The following SLC26A8 variants were observed in gnomAD, a reference collection of about 807,000 sequenced individuals.
The protein encoded by SLC26A8 is testis anion transporter 1.
In SLC26A8, 70 loss-of-function variants were observed where a neutral mutation model predicts 105.0. The ratio of observed to expected loss-of-function variants is 0.67; its 90% confidence interval spans 0.55 to 0.81. The LOEUF is 0.81. Ranked by LOEUF, SLC26A8 falls within the 40% of genes least tolerant of loss-of-function variation. SLC26A8 has a pLI of 0.00. For missense variants in SLC26A8, 998 were observed against 1,181.8 expected (o/e 0.84, Z 2.28); for synonymous variants, 415 against 438.3 (o/e 0.95, Z 0.66).
At chr6:35,961,681 C>T (rs992741403) in intron 12 of SLC26A8, among the ~76,000 whole-genome samples, 7 of 152,188 alleles carry the variant, frequency 4.6e-5, no homozygotes, top group Admixed American at 1.3e-4. Flanking sequence ...GCAGTGGACC[C>T]GTCCCCTCTT....
At chr6:35,988,550 GC>G (rs1198156281) in intron 7 of SLC26A8, among the ~76,000 whole-genome samples, 1 of 151,928 alleles carries the variant, frequency 6.6e-6, no homozygotes, top group Non-Finnish European at 1.5e-5. Flanking sequence ...AAGGAGAATC[GC>G]TTGAATCTGG....
chr6:35,986,833 C>T (rs1250673318), intron 7 of SLC26A8, among the ~76,000 whole-genome samples: 2 of 151,952 alleles, frequency 1.3e-5, no homozygotes, highest in East Asian at 3.9e-4. Flanking sequence ...TGTCTGTCAA[C>T]TAATACCTGT....
At chr6:35,971,347 T>C (rs1285549121) in intron 10 of SLC26A8, among the ~76,000 whole-genome samples, 1 of 150,182 alleles carries the variant, frequency 6.7e-6, no homozygotes, top group Non-Finnish European at 1.5e-5. Flanking sequence ...CCATCACTTT[T>C]CCAGGCTTTC....
intron 7 of SLC26A8, among the ~76,000 whole-genome samples, chr6:35,984,591 TGGGATTACAA>T (rs1328507876): frequency 6.6e-6 from 1 of 152,146 alleles, no homozygotes; most frequent in East Asian, 1.9e-4. Context: ...CCCAAAGTGC[TGGGATTACAA>T]GGGTGAGACA....
intron 7 of SLC26A8, among the ~76,000 whole-genome samples, chr6:35,985,001 GGAGGCTT>G (rs1289940375): frequency 1.3e-5 from 2 of 152,120 alleles, no homozygotes; most frequent in Non-Finnish European, 2.9e-5. Context: ...CCTGCTACTT[GGAGGCTT>G]CATTTGCATG....
intron 16 of SLC26A8, among the ~76,000 whole-genome samples, chr6:35,959,033 C>T (rs368633295): frequency 2.0e-5 from 3 of 152,330 alleles, no homozygotes; most frequent in East Asian, 3.9e-4. Context: ...TCAGGAGACC[C>T]TGGCAGATCC....
intron 5 of SLC26A8, among the ~76,000 whole-genome samples, chr6:35,993,075 T>A (rs1314173962): frequency 6.6e-6 from 1 of 151,546 alleles, no homozygotes; most frequent in Admixed American, 6.6e-5. Flanking sequence ...CATAGCTCAC[T>A]GTAACCTCAA....
At chr6:35,991,872 T>C (rs1761175572) in intron 6 of SLC26A8, 64 bp from the exon 7 acceptor site, 1 of 1,454,904 alleles carries the variant, frequency 6.9e-7, no homozygotes, top group South Asian at 1.5e-5. Context: ...GTCTAGAAAT[T>C]GACACTGTAG....
chr6:35,943,783 ACAGT>A lies in SLC26A8; in HGVS notation c.*113_*116del. ...AGAAGGCTGGCAGGTAGTAGGAGTC[ACAGT>A]CAGGAAGGAAGTACTGCTAGTTCGT... On this transcript the variant is annotated 3_prime_UTR_variant, in exon 20 of 20. Coordinates refer to ENST00000490799, the MANE Select transcript of SLC26A8 (RefSeq NM_052961.4). 5 of 1,431,196 alleles carry A rather than the reference ACAGT, an allele frequency of 3.5e-6. No homozygotes were observed. Among genetic ancestry groups the A allele is most frequent in the Non-Finnish European group, 1.9e-6 (2 of 1,069,556 alleles). 88.7% of individuals were successfully genotyped at this position (1,431,196 alleles called of 1,614,324 possible). A position where few individuals can be genotyped will look rare whatever the true frequency, so the allele number is the denominator to read the frequency against.
In SLC26A8 at chr6:35,981,655, AATAAATAAATAAATAT is replaced by A. The variant is rs1391933122; in HGVS notation, c.1025+450_1025+465del. Among the ~76,000 whole-genome samples, 1 of 152,100 alleles carries A rather than the reference AATAAATAAATAAATAT, an allele frequency of 6.6e-6. No homozygotes were observed. The highest frequency in any genetic ancestry group is 1.5e-5 in the Non-Finnish European group (1 of 68,030). On this transcript the variant is annotated intron_variant, in intron 8 of 19. Coordinates refer to ENST00000490799, the MANE Select transcript of SLC26A8 (RefSeq NM_052961.4). This position sits in a 1 kb window ranked among gnomAD's most constrained non-coding sequence, Gnocchi z 4.0. ...CAACAGAGTGAGAACCTGTCTCAAAAATAAATAAATAAATATATAAATAAATAAAACAGGGCATCTA... is the reference window on the plus strand; with the variant it reads ...CAACAGAGTGAGAACCTGTCTCAAAAATAAATAAATAAAACAGGGCATCTA...
At chr6:35,979,050 C>A (rs1422607747) in intron 8 of SLC26A8, among the ~76,000 whole-genome samples, 1 of 145,020 alleles carries the variant, frequency 6.9e-6, no homozygotes, top group Non-Finnish European at 1.5e-5. Context: ...CGGAGTCTCA[C>A]CATGTTGCCC....
rs1330798569 is a variant in SLC26A8, at chr6:35,955,122, AGCTCCTGCCAAGGCCTCCTCAGT to A, written c.2232+7_2232+29del. 2.5e-6 allele frequency: 4 copies of A among 1,613,466 alleles called. No homozygotes were observed. In the African/African-American group the frequency reaches 5.3e-5, roughly 22 times the overall value. On this transcript the variant is annotated splice_region_variant and intron_variant, in intron 17 of 19. Coordinates refer to ENST00000490799, the MANE Select transcript of SLC26A8 (RefSeq NM_052961.4). ...GTTGGGATGGTAGGAGGGGGATCAG[AGCTCCTGCCAAGGCCTCCTCAGT>A]ACTTACCTGTCTTAATACGACTAAC...
In SLC26A8 at chr6:35,944,049, T is replaced by G; in HGVS notation, c.2764A>C (p.Thr922Pro). 1 of 1,614,026 alleles carries G rather than the reference T, an allele frequency of 6.2e-7. No homozygotes were observed. Among genetic ancestry groups the G allele is most frequent in the South Asian group, 1.1e-5 (1 of 91,074 alleles). The change falls in exon 20 of 20, where the codon ACT becomes CCT. Residue 922 changes from threonine to proline, a missense_variant. Thr to Pro is a conservative substitution (Grantham distance 38). Transcript: ENST00000490799. Reference sequence around the variant, plus strand: ...GGCCAGTAACGCTGCTGAGGAAAAGTGTGAGCTCTTGGCCTAGATTTGGGG... The same window carrying G: ...GGCCAGTAACGCTGCTGAGGAAAAGGGTGAGCTCTTGGCCTAGATTTGGGG... ...PNPKSRPRAH[T>P]FPQQRYWPMY...
chr6:35,989,001 C>A (rs758777800), intron 7 of SLC26A8, among the ~76,000 whole-genome samples: 1 of 151,824 alleles, frequency 6.6e-6, no homozygotes. Flanking sequence ...CCACCTCGCC[C>A]GGCTAAGTTT....
intron 7 of SLC26A8, among the ~76,000 whole-genome samples, chr6:35,990,881 C>A (rs1761123898): frequency 6.6e-6 from 1 of 151,862 alleles, no homozygotes; most frequent in South Asian, 2.1e-4. Context: ...AGAATGAGCC[C>A]GTATTTCTTT....
chr6:35,977,071 A>G (rs1308978845), intron 9 of SLC26A8, 133 bp downstream of exon 9: 1 of 963,326 alleles, frequency 1.0e-6, no homozygotes, highest in Non-Finnish European at 1.5e-6. Context: ...CCTCTCAAAA[A>G]TCCTTTGTGA....
rs1368119422 is a variant in SLC26A8 at position 35,962,512 on chromosome 6, GCATCT to G, written c.1461+9_1461+13del. On this transcript the variant is annotated intron_variant, in intron 12 of 19. Coordinates refer to ENST00000490799, the MANE Select transcript of SLC26A8 (RefSeq NM_052961.4). ...TCTGCCCTCCCCTTCCTCAGCCAGG[GCATCT>G]ACACTCACACAGTCATATTGGTCCT... The G allele has an allele frequency of 6.2e-7, 1 of 1,606,044 alleles. No individual in the cohort carries two copies. Among genetic ancestry groups the G allele is most frequent in the Non-Finnish European group, 8.5e-7 (1 of 1,173,510 alleles).
intron 7 of SLC26A8, among the ~76,000 whole-genome samples, chr6:35,986,897 T>C (rs1323789051): frequency 6.6e-6 from 1 of 152,194 alleles, no homozygotes; most frequent in Non-Finnish European, 1.5e-5. Flanking sequence ...TGATTCCGTA[T>C]CTTAGGTCTT....
chr6:35,950,817 A>C (rs1771842448), intron 19 of SLC26A8, among the ~76,000 whole-genome samples: 3 of 152,128 alleles, frequency 2.0e-5, no homozygotes, highest in Admixed American at 2.0e-4. Flanking sequence ...CATTTAGAAT[A>C]TTTAGCAACT....
Sources: allele counts gnomAD v4.1 joint callset (sites outside exome capture counted in the v4.1 genomes callset), GRCh38; gene constraint gnomAD v4.1.1; non-coding constraint Gnocchi (gnomAD v3.1); transcripts MANE v1.5; gene names NCBI Gene and HGNC (gene_info 2026-07-23, HGNC 2026-07-21).